Variants in SEZ6L observed in about 807,000 individuals in gnomAD.
SEZ6L encodes seizure 6-like protein.
Under a neutral mutation model 106.2 loss-of-function variants are expected in SEZ6L, and 37 were observed. The ratio of observed to expected loss-of-function variants is 0.35; its 90% CI spans 0.27 to 0.46. SEZ6L has a LOEUF of 0.46. Among genes scored for constraint, SEZ6L ranks in the 20% least tolerant of loss-of-function variants. The probability of loss-of-function intolerance (pLI) is 1.00; values close to 1 mark genes in which losing one functional copy is unlikely to be tolerated. For synonymous variants in SEZ6L, 541 were observed against 570.4 expected (o/e 0.95, Z 0.73); for missense variants, 1,172 against 1,332.8 (o/e 0.88, Z 1.88).
chr22:26,366,806 T>C (rs2083829771), intron 13 of SEZ6L, among the ~76,000 whole-genome samples: 1 of 152,198 alleles, frequency 6.6e-6, no homozygotes, highest in Admixed American at 6.5e-5. Flanking sequence ...CTTTTGATTT[T>C]CTAAATTATT....
intron 5 of SEZ6L, among the ~76,000 whole-genome samples, chr22:26,300,444 G>C (rs2081419253): frequency 6.6e-6 from 1 of 152,084 alleles, no homozygotes; most frequent in East Asian, 1.9e-4. Context: ...TGAGAATGAT[G>C]GTTTCCAGCT....
At chr22:26,264,320 G>C (rs1270962291) in intron 1 of SEZ6L, among the ~76,000 whole-genome samples, 2 of 152,220 alleles carry the variant, frequency 1.3e-5, no homozygotes, top group East Asian at 3.8e-4. Context: ...ATCAGGAAAA[G>C]CTTCTGCCCC....
rs1424245732 is a variant in SEZ6L, at chr22:26,241,198, C to G, written c.95-51208C>G. 4 of 152,244 alleles carry G rather than the reference C, an allele frequency of 2.6e-5. No homozygotes were observed. In the East Asian group the frequency reaches 7.7e-4, roughly 29 times the overall value. 9.4% of individuals were successfully genotyped at this position (152,244 alleles called of 1,614,324 possible). ...GTCACAGAGCTAGCAAGGGACAGCA[C>G]TTACTGGTTGCAAGTCCATGCTAAA... is the stretch of plus-strand genomic sequence containing the variant. On this transcript the variant is annotated intron_variant, in intron 1 of 16. Coordinates refer to ENST00000248933, the MANE Select transcript of SEZ6L (RefSeq NM_021115.5).
chr22:26,336,496 T>G (rs2082649582), intron 9 of SEZ6L, among the ~76,000 whole-genome samples: 1 of 152,202 alleles, frequency 6.6e-6, no homozygotes, highest in Non-Finnish European at 1.5e-5. Flanking sequence ...TCTCTGCATC[T>G]GGAGAATCCA....
At chr22:26,316,698 G>C (rs1444023224) in intron 9 of SEZ6L, among the ~76,000 whole-genome samples, 1 of 151,986 alleles carries the variant, frequency 6.6e-6, no homozygotes, top group African/African-American at 2.4e-5. Flanking sequence ...CAGGCGTGGT[G>C]GTGGGTGCCT....
At chr22:26,291,008 T>G (rs1220586684) in intron 1 of SEZ6L, among the ~76,000 whole-genome samples, 1 of 152,258 alleles carries the variant, frequency 6.6e-6, no homozygotes, top group Admixed American at 6.5e-5. Flanking sequence ...TCAACCATTG[T>G]GGAAGATGGT....
intron 5 of SEZ6L, among the ~76,000 whole-genome samples, chr22:26,302,292 G>A (rs1364529110): frequency 6.6e-6 from 1 of 152,082 alleles, no homozygotes; most frequent in Non-Finnish European, 1.5e-5. Context: ...CTTTAACATG[G>A]CCCTTGGGTG....
In SEZ6L at chr22:26,311,716, G is replaced by A. The variant is rs375931089; in HGVS notation, c.1682-52G>A. 7.8e-5 allele frequency: 117 copies of A among 1,499,384 alleles called. No homozygotes were observed. In the Admixed American group the frequency reaches 8.6e-4, roughly 11 times the overall value. The allele number at this position is 1,499,384 out of a possible 1,614,324, so 92.9% of individuals were successfully genotyped here. ...GACCCATCTTCTGAAATATAGCACC[G>A]TGGGGTAGTCCCTGCATCATCTGAA... On this transcript the variant is annotated intron_variant, in intron 7 of 16. Coordinates refer to ENST00000248933, the MANE Select transcript of SEZ6L (RefSeq NM_021115.5).
rs115894110 is a variant in SEZ6L at position 26,379,869 on chromosome 22, A to G, written c.3046-397A>G. ...CTGAACTCAATGGCTTAATGCAACA[A>G]GCATTCATTTGCTCATCAGTCTGTG... On this transcript the variant is annotated intron_variant, in intron 16 of 16. Coordinates refer to ENST00000248933, the MANE Select transcript of SEZ6L (RefSeq NM_021115.5). Among the ~76,000 whole-genome samples the G allele has an allele frequency of 6.0e-3, 910 of 152,348 alleles. 5 individuals are homozygous for G. Among genetic ancestry groups the G allele is most frequent in the African/African-American group, 0.021 (872 of 41,588 alleles).
At chr22:26,252,048 A>G (rs2079612884) in intron 1 of SEZ6L, among the ~76,000 whole-genome samples, 1 of 152,134 alleles carries the variant, frequency 6.6e-6, no homozygotes, top group Admixed American at 6.5e-5. Context: ...CAGCAGCATC[A>G]GCGACAGCAG....
intron 1 of SEZ6L, among the ~76,000 whole-genome samples, chr22:26,279,123 T>C (rs944008540): frequency 6.6e-6 from 1 of 152,202 alleles, no homozygotes; most frequent in East Asian, 1.9e-4. Flanking sequence ...GCATTCCCCT[T>C]GGGCATTTCC....
intron 11 of SEZ6L, 144 bp from the exon 12 acceptor site, chr22:26,350,908 G>A (rs978635471): frequency 2.0e-5 from 13 of 664,956 alleles, no homozygotes; most frequent in African/African-American, 1.3e-4. Context: ...CACCCGCCTC[G>A]GCCTCCCAAA....
At chr22:26,269,716 C>A (rs1055497200) in intron 1 of SEZ6L, among the ~76,000 whole-genome samples, 3 of 152,198 alleles carry the variant, frequency 2.0e-5, no homozygotes, top group African/African-American at 7.2e-5. Flanking sequence ...GCGTGTTATC[C>A]TGCCTGTCAC....
At chr22:26,214,592 T>G (rs2078247447) in intron 1 of SEZ6L, among the ~76,000 whole-genome samples, 1 of 152,212 alleles carries the variant, frequency 6.6e-6, no homozygotes, top group Admixed American at 6.5e-5. Flanking sequence ...TCGGATCTCC[T>G]GCGGAATTTC....
intron 1 of SEZ6L, among the ~76,000 whole-genome samples, chr22:26,219,244 A>AG (rs1214464669): frequency 7.2e-6 from 1 of 138,408 alleles, no homozygotes; most frequent in African/African-American, 2.7e-5. Context: ...AAGATGTTCG[A>AG]GAAATACAAG....
At chr22:26,275,567 A>T (rs537478735) in intron 1 of SEZ6L, among the ~76,000 whole-genome samples, 1 of 152,226 alleles carries the variant, frequency 6.6e-6, no homozygotes, top group South Asian at 2.1e-4. Context: ...ATGACAAGGG[A>T]CTTCCCAAAG....
rs541463554 is a variant in SEZ6L, at chr22:26,325,377, A to G, written c.2015+11475A>G. On this transcript the variant is annotated intron_variant, in intron 9 of 16. Transcript: ENST00000248933. ...GCTCCAAATGATATTACTGTGTACA[A>G]TGATCCTATGAGATCTGAGCATCAT... is the stretch of plus-strand genomic sequence containing the variant. 7.2e-5 allele frequency among the ~76,000 whole-genome samples: 11 copies of G among 152,338 alleles called. No homozygotes were observed. In the East Asian group the frequency reaches 2.1e-3, roughly 29 times the overall value.
chr22:26,190,440 A>G (rs1940115676), intron 1 of SEZ6L, among the ~76,000 whole-genome samples: 1 of 152,226 alleles, frequency 6.6e-6, no homozygotes, highest in African/African-American at 2.4e-5. Flanking sequence ...AAAAGGCAGG[A>G]TGATGATAGG....
intron 1 of SEZ6L, among the ~76,000 whole-genome samples, chr22:26,289,577 A>G (rs1188828986): frequency 6.6e-6 from 1 of 152,170 alleles, no homozygotes; most frequent in Admixed American, 6.5e-5. Context: ...ACCTGCCCTC[A>G]TGCCATCCAC....
Sources: gnomAD v4.1 joint callset for allele counts (sites outside exome capture counted in the v4.1 genomes callset) on GRCh38, gnomAD v4.1.1 for gene constraint, MANE v1.5 for transcripts, NCBI Gene and HGNC (gene_info 2026-07-23, HGNC 2026-07-21) for gene names.